The following ULK4 variants were observed in gnomAD, a reference collection of about 807,000 sequenced individuals.
The protein encoded by ULK4 is unc-51 like kinase 4.
A neutral mutation model predicts 160.6 loss-of-function variants in ULK4; 133 were observed. The ratio of observed to expected loss-of-function variants is 0.83; its 90% CI spans 0.72 to 0.96. The LOEUF (loss-of-function observed/expected upper bound fraction) is 0.96, where lower values mean the gene tolerates loss of function less well. ULK4 is among the 40% of genes least tolerant of loss of function. ULK4 has a pLI of 0.00. For synonymous variants in ULK4, 534 were observed against 539.8 expected, an observed-to-expected ratio of 0.99 and a Z score of 0.15; for missense variants, 1,580 against 1,499.5, an observed-to-expected ratio of 1.05 and a Z score of -0.89.
intron 18 of ULK4, among the ~76,000 whole-genome samples, chr3:41,827,442 C>A (rs112482279): frequency 6.6e-6 from 1 of 151,728 alleles, no homozygotes; most frequent in Non-Finnish European, 1.5e-5. Context: ...ATCAAATAGA[C>A]GCAATAAAAA....
intron 32 of ULK4, among the ~76,000 whole-genome samples, chr3:41,519,573 T>G (rs1391836546): frequency 6.6e-6 from 1 of 152,208 alleles, no homozygotes; most frequent in African/African-American, 2.4e-5. Context: ...GTAGGGAATT[T>G]GAATTTGAAG....
rs958559090 is a variant in ULK4, at chr3:41,320,206, G to A, written c.3679-70632C>T. On this transcript the variant is annotated intron_variant, in intron 35 of 36. Transcript: ENST00000301831. ...TTCCCCAACTATAGATTTCTCAGGA[G>A]GATGAAGGGTAGGGTATATATGAAG... Among the ~76,000 whole-genome samples, 11 of 152,196 alleles carry A rather than the reference G, an allele frequency of 7.2e-5. No homozygotes were observed. In the East Asian group the frequency reaches 2.1e-3, roughly 29 times the overall value.
chr3:41,338,973 C>G (rs1196031844), intron 35 of ULK4, among the ~76,000 whole-genome samples: 2 of 152,032 alleles, frequency 1.3e-5, no homozygotes, highest in East Asian at 3.9e-4. Context: ...CCCACCTACT[C>G]TGGGGAGGGC....
chr3:41,830,106 T>C (rs909620910), intron 18 of ULK4, among the ~76,000 whole-genome samples: 1 of 151,494 alleles, frequency 6.6e-6, no homozygotes, highest in Non-Finnish European at 1.5e-5. Context: ...CGAGAACACA[T>C]GGACACAGAA....
In ULK4 at chr3:41,702,670, A is replaced by G. The variant is rs112909123; in HGVS notation, c.2781+2387T>C. On this transcript the variant is annotated intron_variant, in intron 27 of 36. Coordinates refer to ENST00000301831, the MANE Select transcript of ULK4 (RefSeq NM_017886.4). ...AATGATACAAGGCTGATTTCATAAGATGACATAATTTGAAATTTGCATACA... is the reference window on the plus strand; with the variant it reads ...AATGATACAAGGCTGATTTCATAAGGTGACATAATTTGAAATTTGCATACA... Among the ~76,000 whole-genome samples the G allele has an allele frequency of 2.7e-3, 407 of 152,262 alleles. 5 individuals are homozygous for G. The highest frequency in any genetic ancestry group is 9.3e-3 in the African/African-American group (387 of 41,544).
intron 31 of ULK4, among the ~76,000 whole-genome samples, chr3:41,582,577 T>C (rs2030459125): frequency 6.6e-6 from 1 of 152,214 alleles, no homozygotes; most frequent in African/African-American, 2.4e-5. Context: ...AACTCATCTC[T>C]GAGGAGGCCT....
intron 34 of ULK4, among the ~76,000 whole-genome samples, chr3:41,452,627 TATTTTGTG>T (rs1383046484): frequency 2.0e-5 from 3 of 152,180 alleles, no homozygotes; most frequent in Non-Finnish European, 2.9e-5. Flanking sequence ...AAGTGTAAAA[TATTTTGTG>T]CTTCTTAAAC....
At chr3:41,550,452 G>A (rs1795364) in intron 32 of ULK4, among the ~76,000 whole-genome samples, 77,348 of 151,388 alleles carry the variant, frequency 0.51, 19,830 homozygotes, top group Middle Eastern at 0.57. Flanking sequence ...TATATCTCAC[G>A]TGAACAAAAA....
chr3:41,668,349 T>C (rs2035419162), intron 29 of ULK4, among the ~76,000 whole-genome samples: 1 of 152,248 alleles, frequency 6.6e-6, no homozygotes, highest in Non-Finnish European at 1.5e-5. Context: ...TGCCACATAA[T>C]GACATTTTTG....
chr3:41,304,273 C>CAAAAAAAAAAAAAAAA (rs368282598), intron 35 of ULK4, among the ~76,000 whole-genome samples: 2 of 89,748 alleles, frequency 2.2e-5, no homozygotes, highest in East Asian at 3.7e-4. Context: ...AGCTCCCCCT[C>CAAAAAAAAAAAAAAAA]AAAAAAAAAA....
chr3:41,523,353 CAT>C (rs2086000803), intron 32 of ULK4, among the ~76,000 whole-genome samples: 1 of 152,152 alleles, frequency 6.6e-6, no homozygotes, highest in Admixed American at 6.5e-5. Context: ...TGGGACAACA[CAT>C]ATGTTACAGG....
At position 41,433,812 on chromosome 3, in the gene ULK4, C is replaced by T. The variant is rs531197477; in HGVS notation, c.3492+21685G>A. On this transcript the variant is annotated intron_variant, in intron 34 of 36. Coordinates refer to ENST00000301831, the MANE Select transcript of ULK4 (RefSeq NM_017886.4). ...CAGGCTCACTGCAACCTCCGCCTTCCGGGTTCACGCCGTTCTCCTGCCTCA... is the reference window on the plus strand; with the variant it reads ...CAGGCTCACTGCAACCTCCGCCTTCTGGGTTCACGCCGTTCTCCTGCCTCA... Among the ~76,000 whole-genome samples, 186 of 152,278 alleles carry T rather than the reference C, an allele frequency of 1.2e-3. 1 individual carries two copies. The highest frequency in any genetic ancestry group is 4.0e-3 in the African/African-American group (167 of 41,556).
At chr3:41,529,962 C>G (rs1189579572) in intron 32 of ULK4, among the ~76,000 whole-genome samples, 3 of 152,066 alleles carry the variant, frequency 2.0e-5, no homozygotes, top group Non-Finnish European at 4.4e-5. Flanking sequence ...TTGCCAGCAA[C>G]TGGGAAAGGA....
chr3:41,860,302 C>T (rs1300611367), intron 17 of ULK4, among the ~76,000 whole-genome samples: 2 of 152,022 alleles, frequency 1.3e-5, no homozygotes, highest in South Asian at 2.1e-4. Context: ...CTGGGAGATC[C>T]GTCCAATGCT....
At chr3:41,400,396 G>A (rs144661038) in intron 34 of ULK4, among the ~76,000 whole-genome samples, 89 of 152,010 alleles carry the variant, frequency 5.9e-4, no homozygotes, top group Non-Finnish European at 1.1e-3. Context: ...ACCACACACC[G>A]GTTTGCCATT....
intron 22 of ULK4, among the ~76,000 whole-genome samples, chr3:41,719,425 C>G (rs2037377356): frequency 6.6e-6 from 1 of 152,144 alleles, no homozygotes; most frequent in Non-Finnish European, 1.5e-5. Flanking sequence ...CTGATTTTAT[C>G]TGTCTTAAAG....
At chr3:41,704,999 A>G (rs1028919637) in intron 27 of ULK4, 58 bp downstream of exon 27, 10 of 1,399,908 alleles carry the variant, frequency 7.1e-6, no homozygotes, top group African/African-American at 1.4e-5. Context: ...GCCTCTTTAT[A>G]TAAGGAATTA....
At chr3:41,446,892 AAAAAT>A (rs761450791) in intron 34 of ULK4, among the ~76,000 whole-genome samples, 14 of 151,840 alleles carry the variant, frequency 9.2e-5, no homozygotes, top group Admixed American at 2.0e-4. Flanking sequence ...GAATAGAAAT[AAAAAT>A]AAAATAAAAT....
chr3:41,853,710 C>G (rs1205901924), intron 17 of ULK4, among the ~76,000 whole-genome samples: 1 of 152,102 alleles, frequency 6.6e-6, no homozygotes, highest in South Asian at 2.1e-4. Flanking sequence ...TTTGATTGGA[C>G]GAGAGACTGA....
Sources: gnomAD v4.1 joint callset for allele counts (sites outside exome capture counted in the v4.1 genomes callset) on GRCh38, gnomAD v4.1.1 for gene constraint, MANE v1.5 for transcripts, NCBI Gene and HGNC (gene_info 2026-07-23, HGNC 2026-07-21) for gene names.